LURAP1: variants seen among roughly 807,000 people sequenced by gnomAD.
The protein encoded by LURAP1 is NF-kappa-B activator C1orf190.
In LURAP1, 14 loss-of-function variants were observed where a neutral mutation model predicts 19.0. The observed-to-expected ratio is 0.74, with a 90% CI of 0.49 to 1.15. The LOEUF (loss-of-function observed/expected upper bound fraction) is 1.15. Ranked by LOEUF, LURAP1 falls within the 50% of genes most tolerant of loss-of-function variation. LURAP1 has a pLI of 0.00. For missense variants in LURAP1, 273 were observed against 309.1 expected (o/e 0.88, Z 0.87); for synonymous variants, 129 against 131.8 (o/e 0.98, Z 0.14).
Position 46,203,579 on chromosome 1 carries a change from C to T in LURAP1, c.153C>T (p.Thr51=), listed in dbSNP as rs1658617415. 1 of 1,580,342 alleles carries T rather than the reference C, an allele frequency of 6.3e-7. No homozygotes were observed. Among genetic ancestry groups the T allele is most frequent in the South Asian group, 1.2e-5 (1 of 86,428 alleles). The change falls in exon 1 of 2, where the codon ACC becomes ACT. Residue 51 remains threonine (T), a synonymous_variant. Coordinates refer to ENST00000371980, the MANE Select transcript of LURAP1 (RefSeq NM_001013615.3). ...TGCTGCTCCCAGGGGCGTCTAGCACCGGCCACGACTTGGGGGACAAGATCA... is the reference window on the plus strand; with the variant it reads ...TGCTGCTCCCAGGGGCGTCTAGCACTGGCCACGACTTGGGGGACAAGATCA... ...GALLLPGASS[T]GHDLGDKIMA...
At position 46,220,482 on chromosome 1, in the gene LURAP1, A is replaced by T. The variant is rs1659205525; in HGVS notation, c.*262A>T. On this transcript the variant is annotated 3_prime_UTR_variant, in exon 2 of 2. Transcript: ENST00000371980. ...TCTTATGCTGTTACCCAAGATAGAG[A>T]GCAGTGGCATGATCACAGCTCACTG... 1 of 399,006 alleles carries T rather than the reference A, an allele frequency of 2.5e-6. No homozygotes were observed. Among genetic ancestry groups the T allele is most frequent in the Non-Finnish European group, 4.5e-6 (1 of 222,088 alleles). 24.7% of individuals were successfully genotyped at this position (399,006 alleles called of 1,614,324 possible). A position where few individuals can be genotyped will look rare whatever the true frequency, so the allele number is the denominator to read the frequency against.
intron 1 of LURAP1, among the ~76,000 whole-genome samples, chr1:46,211,480 C>G (rs560129625): frequency 7.9e-5 from 12 of 151,164 alleles, no homozygotes; most frequent in African/African-American, 1.7e-4. Flanking sequence ...CACACACACA[C>G]AGTAATATCA....
In LURAP1 at chr1:46,220,230, C is replaced by A. The variant is rs1659199383; in HGVS notation, c.*10C>A. The stretch of plus-strand genomic sequence containing the variant: ...TGTGACCTTCTTGTAACAACTATTC[C>A]ACCCTTTTGTAATCCTGTGGCTCTT... On this transcript the variant is annotated 3_prime_UTR_variant, in exon 2 of 2. Transcript: ENST00000371980. 6.3e-7 allele frequency: 1 copy of A among 1,589,790 alleles called. No homozygotes were observed. The highest frequency in any genetic ancestry group is 1.1e-5 in the South Asian group (1 of 88,156).
chr1:46,205,299 AAGGG>A (rs1048192593), intron 1 of LURAP1, among the ~76,000 whole-genome samples: 2 of 151,660 alleles, frequency 1.3e-5, no homozygotes, highest in African/African-American at 2.4e-5. Flanking sequence ...GGAAGGGAGG[AAGGG>A]AGGGAGGGAG....
intron 1 of LURAP1, among the ~76,000 whole-genome samples, chr1:46,210,833 G>A (rs1658871109): frequency 6.6e-6 from 1 of 152,030 alleles, no homozygotes; most frequent in Non-Finnish European, 1.5e-5. Context: ...GGAGTACAGT[G>A]GCTCAATCAC....
rs564588981 is a variant in LURAP1 at position 46,219,237 on chromosome 1, G to A, written c.199-462G>A. On this transcript the variant is annotated intron_variant, in intron 1 of 1. Coordinates refer to ENST00000371980, the MANE Select transcript of LURAP1 (RefSeq NM_001013615.3). ...TTGAACCCAGGAGGCGGAGGTTGCG[G>A]TGAGCTGAGATCGCGCCATTGCACT... Among the ~76,000 whole-genome samples the A allele has an allele frequency of 4.0e-5, 6 of 151,842 alleles. 1 individual carries two copies. The highest frequency in any genetic ancestry group is 1.5e-4 in the African/African-American group (6 of 41,356).
Position 46,220,390 on chromosome 1 carries a change from C to T in LURAP1, c.*170C>T. On this transcript the variant is annotated 3_prime_UTR_variant, in exon 2 of 2. Transcript: ENST00000371980. ...GTCCCTAGGGAGTCTCTGCCTTTAT[C>T]CCTCAATTATTGGGTCCCTAGAGCT... 1.5e-6 allele frequency: 1 copy of T among 673,118 alleles called. No homozygotes were observed. The highest frequency in any genetic ancestry group is 2.4e-6 in the Non-Finnish European group (1 of 410,824). 41.7% of individuals were successfully genotyped at this position (673,118 alleles called of 1,614,324 possible). A position where few individuals can be genotyped will look rare whatever the true frequency, so the allele number is the denominator to read the frequency against.
chr1:46,217,662 G>A (rs1355908487), intron 1 of LURAP1, among the ~76,000 whole-genome samples: 2 of 152,010 alleles, frequency 1.3e-5, no homozygotes, highest in Non-Finnish European at 2.9e-5. Flanking sequence ...TTTGAGACCA[G>A]CCTGGCTAAC....
intron 1 of LURAP1, among the ~76,000 whole-genome samples, chr1:46,214,727 G>A (rs549264771): frequency 5.3e-5 from 8 of 152,160 alleles, no homozygotes; most frequent in Admixed American, 6.6e-5. Context: ...TCAGCCAGAT[G>A]TGGTGGCAGA....
rs773104300 is a variant in LURAP1 at position 46,219,959 on chromosome 1, C to G, written c.459C>G (p.Pro153=). 1.4e-5 allele frequency: 22 copies of G among 1,614,262 alleles called. No homozygotes were observed. Among genetic ancestry groups the G allele is most frequent in the Non-Finnish European group, 1.8e-5 (21 of 1,180,052 alleles). Residue 153 remains proline, a synonymous_variant, in exon 2 of 2, where the codon CCC becomes CCG. Transcript: ENST00000371980. ...SIGSFLDTVA[P]SELDEQGPPG... ...GCAGCTTCCTGGACACAGTGGCCCC[C>G]AGCGAGCTGGATGAACAGGGCCCAC...
intron 1 of LURAP1, among the ~76,000 whole-genome samples, chr1:46,214,551 G>A (rs1368666687): frequency 3.9e-5 from 6 of 152,012 alleles, no homozygotes; most frequent in Non-Finnish European, 8.8e-5. Flanking sequence ...TCATGGCGGG[G>A]AAAAGAAAAA....
intron 1 of LURAP1, among the ~76,000 whole-genome samples, chr1:46,210,268 G>A (rs1343820187): frequency 3.3e-5 from 5 of 152,092 alleles, no homozygotes; most frequent in Non-Finnish European, 2.9e-5. Context: ...CCTAAACTGT[G>A]TGTGTGTGTT....
intron 1 of LURAP1, among the ~76,000 whole-genome samples, chr1:46,210,392 C>A (rs888896264): frequency 6.6e-6 from 1 of 152,076 alleles, no homozygotes; most frequent in Non-Finnish European, 1.5e-5. Flanking sequence ...GCAGCAGATA[C>A]CAGCTGGGTG....
At chr1:46,212,432 T>C (rs1429361817) in intron 1 of LURAP1, among the ~76,000 whole-genome samples, 20 of 146,192 alleles carry the variant, frequency 1.4e-4, no homozygotes, top group African/African-American at 5.1e-4. Flanking sequence ...AGGCGTACAC[T>C]GCCACGCCCA....
chr1:46,211,439 GCACACACACACACA>G (rs57919535), intron 1 of LURAP1, among the ~76,000 whole-genome samples: 68 of 79,050 alleles, frequency 8.6e-4, no homozygotes, highest in Middle Eastern at 6.7e-3. Flanking sequence ...ATGAAAACCT[GCACACACACACACA>G]CACACACACA....
chr1:46,203,430 G>T lies in LURAP1; in HGVS notation c.4G>T (p.Glu2Ter), dbSNP rs1382794758. 3 of 1,467,046 alleles carry T rather than the reference G, an allele frequency of 2.0e-6. No homozygotes were observed. The highest frequency in any genetic ancestry group is 2.8e-5 in the South Asian group (2 of 70,864). The allele number at this position is 1,467,046 out of a possible 1,614,324, so 90.9% of individuals were successfully genotyped here. The change falls in exon 1 of 2, where the codon GAG becomes TAG. Residue 2 changes from glutamate (E) to a stop codon, truncating the protein, a stop_gained. Coordinates refer to ENST00000371980, the MANE Select transcript of LURAP1 (RefSeq NM_001013615.3). LOFTEE classifies it high-confidence loss of function. ...CCCTTTTCAGGCTTGGGCCCGCATG[G>T]AGGGGACCGTGGAGTCCCAGACGCC... M[E>*]GTVESQTPDL... is the part of the protein sequence containing the mutation.
rs182427644 is a variant in LURAP1 at position 46,210,653 on chromosome 1, A to G, written c.198+7029A>G. On this transcript the variant is annotated intron_variant, in intron 1 of 1. Transcript: ENST00000371980. ...TTATTATAAGGATATTACAAAGGATATAGATGAAGAGATGCATGGGGCAAG... is the reference window on the plus strand; with the variant it reads ...TTATTATAAGGATATTACAAAGGATGTAGATGAAGAGATGCATGGGGCAAG... 2.0e-4 allele frequency among the ~76,000 whole-genome samples: 31 copies of G among 152,310 alleles called. 1 individual carries two copies. Among genetic ancestry groups the G allele is most frequent in the Non-Finnish European group, 2.9e-5 (2 of 68,020 alleles).
intron 1 of LURAP1, among the ~76,000 whole-genome samples, chr1:46,207,084 A>ATTTT (rs56059506): frequency 6.9e-6 from 1 of 143,960 alleles, no homozygotes; most frequent in East Asian, 2.0e-4. Flanking sequence ...GAGTCCTTCT[A>ATTTT]TTTTTTTTTT....
intron 1 of LURAP1, among the ~76,000 whole-genome samples, chr1:46,211,702 C>A (rs1057051144): frequency 1.3e-5 from 2 of 152,050 alleles, no homozygotes; most frequent in African/African-American, 4.8e-5. Context: ...TCATTAATGG[C>A]AAAACTGGAA....
Sources: gnomAD v4.1 joint callset for allele counts (sites outside exome capture counted in the v4.1 genomes callset) on GRCh38, gnomAD v4.1.1 for gene constraint, MANE v1.5 for transcripts, NCBI Gene and HGNC (gene_info 2026-07-23, HGNC 2026-07-21) for gene names.